The following ADD2 variants were observed in gnomAD, a reference collection of about 807,000 sequenced individuals.
ADD2 encodes adducin 2.
In ADD2, 23 loss-of-function variants were observed where a neutral mutation model predicts 83.0. The ratio of observed to expected loss-of-function variants is 0.28; its 90% CI spans 0.20 to 0.39. The LOEUF (loss-of-function observed/expected upper bound fraction) is 0.39. Ranked by LOEUF, ADD2 falls within the 10% of genes least tolerant of loss-of-function variation. ADD2 has a pLI of 1.00. For synonymous variants in ADD2, 375 were observed against 375.4 expected, an observed-to-expected ratio of 1.00 and a Z score of 0.01; for missense variants, 758 against 944.9, an observed-to-expected ratio of 0.80 and a Z score of 2.59.
At chr2:70,674,652 C>T (rs1670043954) in intron 14 of ADD2, 26 bp downstream of exon 14, 5 of 1,596,396 alleles carry the variant, frequency 3.1e-6, no homozygotes, top group African/African-American at 2.8e-5. Flanking sequence ...GACTTGGAAG[C>T]AAGGGTGTGC....
chr2:70,659,243 T>C lies in ADD2; in HGVS notation c.*4182A>G, dbSNP rs1363905645. Reference sequence around the variant, plus strand: ...TGTGTTTACCCTCCACATACCTTCATGGAAAAATTGAAAATTATTTTTAGA... The same window carrying C: ...TGTGTTTACCCTCCACATACCTTCACGGAAAAATTGAAAATTATTTTTAGA... On this transcript the variant is annotated 3_prime_UTR_variant, in exon 16 of 16. Transcript: ENST00000264436. The C allele has an allele frequency of 1.3e-5, 2 of 151,440 alleles. No homozygotes were observed. The highest frequency in any genetic ancestry group is 2.9e-5 in the Non-Finnish European group (2 of 67,880). The allele number at this position is 151,440 out of a possible 1,614,324, so 9.4% of individuals were successfully genotyped here. A position where few individuals can be genotyped will look rare whatever the true frequency, so the allele number is the denominator to read the frequency against.
intron 4 of ADD2, 109 bp from the exon 5 acceptor site, chr2:70,696,505 C>A: frequency 7.0e-7 from 1 of 1,425,366 alleles, no homozygotes; most frequent in Non-Finnish European, 9.6e-7. Context: ...AGGAGACTTC[C>A]CCAGGCAGGG....
chr2:70,667,987 C>G (rs1273413848), intron 15 of ADD2, among the ~76,000 whole-genome samples: 1 of 152,142 alleles, frequency 6.6e-6, no homozygotes, highest in Non-Finnish European at 1.5e-5. Context: ...TGGACACCAT[C>G]CAATCTGTTT....
intron 4 of ADD2, 62 bp from the exon 5 acceptor site, chr2:70,696,458 A>T (rs1479426554): frequency 6.3e-7 from 1 of 1,597,158 alleles, no homozygotes; most frequent in East Asian, 2.3e-5. Context: ...TCCTTGCTCC[A>T]GTGTTCTCCA....
chr2:70,756,588 G>A (rs547692648), intron 1 of ADD2, among the ~76,000 whole-genome samples: 17 of 152,318 alleles, frequency 1.1e-4, no homozygotes, highest in African/African-American at 3.4e-4. Flanking sequence ...CTAGGAAATA[G>A]AGTATTTTAT....
At chr2:70,685,673 T>C (rs1448972447) in intron 9 of ADD2, among the ~76,000 whole-genome samples, 1 of 152,224 alleles carries the variant, frequency 6.6e-6, no homozygotes, top group African/African-American at 2.4e-5. Context: ...CTAAAGCACT[T>C]AGTGTATCAC....
chr2:70,749,223 T>G (rs113723546), intron 1 of ADD2, among the ~76,000 whole-genome samples: 4 of 152,108 alleles, frequency 2.6e-5, no homozygotes, highest in African/African-American at 9.7e-5. Context: ...TCACTCACTA[T>G]CAGGAGAACA....
chr2:70,686,112 C>T (rs541206208), intron 9 of ADD2, among the ~76,000 whole-genome samples: 1 of 152,342 alleles, frequency 6.6e-6, no homozygotes, highest in South Asian at 2.1e-4. Flanking sequence ...CAGTGCTGGC[C>T]GCTTCACCCA....
intron 6 of ADD2, among the ~76,000 whole-genome samples, chr2:70,694,984 G>A (rs1250051398): frequency 2.6e-5 from 4 of 151,832 alleles, no homozygotes; most frequent in Non-Finnish European, 5.9e-5. Flanking sequence ...ACCCTCCCTG[G>A]GCACCAGTTT....
intron 1 of ADD2, among the ~76,000 whole-genome samples, chr2:70,723,637 G>A (rs1553377752): frequency 6.6e-6 from 1 of 152,172 alleles, no homozygotes. Flanking sequence ...AGCCCCCAGT[G>A]CTGGTTACAA....
At chr2:70,701,535 A>G (rs1030038) in intron 4 of ADD2, among the ~76,000 whole-genome samples, 41,964 of 152,080 alleles carry the variant, frequency 0.28, 7,068 homozygotes, top group Non-Finnish European at 0.39. Flanking sequence ...GGAAAAATAA[A>G]CCAATGGGTA....
chr2:70,707,929 G>C (rs1553374819), intron 2 of ADD2, among the ~76,000 whole-genome samples: 2 of 152,168 alleles, frequency 1.3e-5, no homozygotes, highest in African/African-American at 4.8e-5. Flanking sequence ...GGCCAGTCCT[G>C]GCTCCCTCCG....
rs1225775735 is a variant in ADD2, at chr2:70,676,975, G to T, written c.1504-90C>A. 3.2e-6 allele frequency: 5 copies of T among 1,538,958 alleles called. No homozygotes were observed. The highest frequency in any genetic ancestry group is 1.4e-5 in the African/African-American group (1 of 73,070). On this transcript the variant is annotated intron_variant, in intron 12 of 15. Coordinates refer to ENST00000264436, the MANE Select transcript of ADD2 (RefSeq NM_001617.4). The surrounding 1 kb of genome is among the most constrained non-coding windows in gnomAD (Gnocchi z 4.8). The stretch of plus-strand genomic sequence containing the variant: ...GGCATACGGGTGTGCCTGGGGTCTA[G>T]AAAGGTCCTCTAGCGGTGTGGGAGC...
intron 1 of ADD2, among the ~76,000 whole-genome samples, chr2:70,755,421 T>G (rs782536397): frequency 2.6e-4 from 40 of 152,234 alleles, no homozygotes; most frequent in Non-Finnish European, 4.9e-4. Flanking sequence ...TCCCTCAGGT[T>G]AAAATGAGTT....
chr2:70,729,606 C>G (rs1673180059), intron 1 of ADD2, among the ~76,000 whole-genome samples: 1 of 152,150 alleles, frequency 6.6e-6, no homozygotes, highest in Admixed American at 6.5e-5. Context: ...AGTTTCTGTC[C>G]TCCACACCTC....
intron 1 of ADD2, among the ~76,000 whole-genome samples, chr2:70,723,904 A>G (rs556115259): frequency 6.6e-6 from 1 of 152,340 alleles, no homozygotes; most frequent in Non-Finnish European, 1.5e-5. Context: ...AAGGAGGGTA[A>G]ATGCAAGGGG....
At chr2:70,712,462 A>AAAT (rs1672241047) in intron 2 of ADD2, among the ~76,000 whole-genome samples, 2 of 113,294 alleles carry the variant, frequency 1.8e-5, no homozygotes, top group Middle Eastern at 3.9e-3. Flanking sequence ...TAAATAAATA[A>AAAT]AAAAAAAAAA....
At chr2:70,712,448 AAAATAAATAAAT>A (rs1161335131) in intron 2 of ADD2, among the ~76,000 whole-genome samples, 4 of 137,884 alleles carry the variant, frequency 2.9e-5, no homozygotes, top group Admixed American at 6.9e-5. Flanking sequence ...TGTCTCAAAA[AAAATAAATAAAT>A]AAAAAAAAAA....
At chr2:70,723,112 G>A (rs1553377665) in intron 1 of ADD2, among the ~76,000 whole-genome samples, 1 of 152,186 alleles carries the variant, frequency 6.6e-6, no homozygotes, top group African/African-American at 2.4e-5. Flanking sequence ...ACAGGACCAT[G>A]GCTACAAATC....
Sources: allele counts gnomAD v4.1 joint callset (sites outside exome capture counted in the v4.1 genomes callset), GRCh38; gene constraint gnomAD v4.1.1; non-coding constraint Gnocchi (gnomAD v3.1); transcripts MANE v1.5; gene names NCBI Gene and HGNC (gene_info 2026-07-23, HGNC 2026-07-21).